The following CTSH variants were observed in gnomAD, a reference collection of about 807,000 sequenced individuals.
The protein encoded by CTSH is pro-cathepsin H.
In CTSH, 52 loss-of-function variants were observed where a neutral mutation model predicts 56.3. The observed-to-expected ratio is 0.92, with a 90% CI of 0.74 to 1.16. The LOEUF is 1.16. Ranked by LOEUF, CTSH falls within the 50% of genes most tolerant of loss-of-function variation. The pLI is 0.00. For synonymous variants in CTSH, 174 were observed against 155.7 expected (o/e 1.12, Z -0.88); for missense variants, 406 against 424.5 (o/e 0.96, Z 0.38).
chr15:78,927,600 A>C, intron 9 of CTSH, 113 bp downstream of exon 9: 1 of 897,898 alleles, frequency 1.1e-6, no homozygotes, highest in Non-Finnish European at 1.8e-6. Flanking sequence ...AACTCGTCAA[A>C]GGGATGTGCT....
chr15:78,926,127 T>C (rs1208308419), intron 9 of CTSH: 1 of 152,476 alleles, frequency 6.6e-6, no homozygotes, highest in Non-Finnish European at 1.5e-5. Context: ...TGGGTTCAAG[T>C]GCACTAACCA....
At chr15:78,938,359 ACT>A (rs1304643504) in intron 2 of CTSH, among the ~76,000 whole-genome samples, 1 of 149,442 alleles carries the variant, frequency 6.7e-6, no homozygotes, top group Non-Finnish European at 1.5e-5. Context: ...ACAAAGTGAG[ACT>A]CTGTCTCAAA....
chr15:78,935,838 A>C (rs1022590879), intron 3 of CTSH, 88 bp from the exon 4 acceptor site: 5 of 932,656 alleles, frequency 5.4e-6, no homozygotes, highest in African/African-American at 4.9e-5. Context: ...CCTCCTGTTT[A>C]CCTGTGTCGT....
chr15:78,922,150 A>AG lies in CTSH; in HGVS notation c.987dup (p.Tyr330LeufsTer81), dbSNP rs1347716296. The AG allele has an allele frequency of 6.3e-7, 1 of 1,577,584 alleles. No homozygotes were observed. Among genetic ancestry groups the AG allele is most frequent in the South Asian group, 1.2e-5 (1 of 86,046 alleles). ...ACGGCTCACACCAGAGGGATGGGGT[A>AG]GGAGGCGCAGGCAGCCAGGCCACAC... On this transcript the variant is annotated frameshift_variant, in exon 12 of 12. Coordinates refer to ENST00000220166, the MANE Select transcript of CTSH (RefSeq NM_004390.5). LOFTEE classifies it high-confidence loss of function.
chr15:78,931,868 C>A, intron 6 of CTSH: 1 of 1,246,030 alleles, frequency 8.0e-7, no homozygotes, highest in African/African-American at 1.5e-5. Context: ...CCTACCCCCA[C>A]CTGTCCACAA....
At position 78,935,415 on chromosome 15, in the gene CTSH, G is replaced by C. The variant is rs181199969; in HGVS notation, c.300+265C>G. Among the ~76,000 whole-genome samples the C allele has an allele frequency of 8.5e-5, 13 of 152,340 alleles. No homozygotes were observed. In the East Asian group the frequency reaches 2.5e-3, roughly 29 times the overall value. On this transcript the variant is annotated intron_variant, in intron 4 of 11. Coordinates refer to ENST00000220166, the MANE Select transcript of CTSH (RefSeq NM_004390.5). Reference sequence around the variant, plus strand: ...ATATACTTATGCTAAAGAATTACTTGTTGTGTATCTGAAATTCATTTTTAA... The same window carrying C: ...ATATACTTATGCTAAAGAATTACTTCTTGTGTATCTGAAATTCATTTTTAA...
intron 1 of CTSH, among the ~76,000 whole-genome samples, chr15:78,941,375 G>T (rs2055284118): frequency 8.5e-6 from 1 of 117,356 alleles, no homozygotes; most frequent in Non-Finnish European, 1.6e-5. Context: ...CAGTAGCCAA[G>T]ATCGTGCCAC....
chr15:78,943,963 G>C (rs77666626), intron 1 of CTSH, among the ~76,000 whole-genome samples: 1,951 of 152,320 alleles, frequency 0.013, 35 homozygotes, highest in African/African-American at 0.045. Flanking sequence ...AGGTGGGAAG[G>C]AATGAGGCAA....
intron 1 of CTSH, among the ~76,000 whole-genome samples, chr15:78,940,420 C>CA (rs1192982650): frequency 6.7e-6 from 1 of 149,414 alleles, no homozygotes; most frequent in Non-Finnish European, 1.5e-5. Flanking sequence ...CTCGTCTCTA[C>CA]AAAAAAATAA....
chr15:78,939,085 T>A, intron 2 of CTSH, 55 bp downstream of exon 2: 2 of 1,502,924 alleles, frequency 1.3e-6, no homozygotes, highest in African/African-American at 2.8e-5. Flanking sequence ...TTTGGTTTGA[T>A]AACAGGAAAC....
chr15:78,931,914 C>T (rs1278261582), intron 6 of CTSH: 22 of 1,196,614 alleles, frequency 1.8e-5, no homozygotes, highest in Non-Finnish European at 2.2e-5. Context: ...GCCGGCTGTG[C>T]ACTGTCCCTC....
At chr15:78,929,641 C>T in intron 7 of CTSH, 148 bp from the exon 8 acceptor site, 1 of 577,514 alleles carries the variant, frequency 1.7e-6, no homozygotes, top group Non-Finnish European at 3.1e-6. Context: ...CTGAGAGGCC[C>T]AGCCTTGGGA....
At chr15:78,922,268 G>A in intron 11 of CTSH, 63 bp from the exon 12 acceptor site, 1 of 1,371,850 alleles carries the variant, frequency 7.3e-7, no homozygotes, top group Non-Finnish European at 1.0e-6. Flanking sequence ...TTTCTAGAAT[G>A]TTTTGCTGCT....
chr15:78,935,858 C>T, intron 3 of CTSH, 108 bp from the exon 4 acceptor site: 1 of 710,988 alleles, frequency 1.4e-6, no homozygotes, highest in Non-Finnish European at 2.4e-6. Flanking sequence ...TATTTAGAAC[C>T]ACTGCAACCC....
intron 2 of CTSH, among the ~76,000 whole-genome samples, chr15:78,937,978 T>G (rs980603953): frequency 1.3e-5 from 2 of 152,352 alleles, no homozygotes; most frequent in Admixed American, 1.3e-4. Flanking sequence ...CTGGGAACAT[T>G]CAAATTATTC....
chr15:78,922,838 A>G lies in CTSH; in HGVS notation c.932+155T>C, dbSNP rs536592130. Among the ~76,000 whole-genome samples the G allele has an allele frequency of 2.4e-3, 365 of 152,284 alleles. 2 individuals carry two copies. The highest frequency in any genetic ancestry group is 8.3e-3 in the African/African-American group (345 of 41,564). ...ATGGGGGCTTGGAAATGTGGAGGCT[A>G]CATTCTCATGCTCCCTTTCCCCCTG... is the stretch of plus-strand genomic sequence containing the variant. On this transcript the variant is annotated intron_variant, in intron 11 of 11. Coordinates refer to ENST00000220166, the MANE Select transcript of CTSH (RefSeq NM_004390.5).
chr15:78,923,963 G>A (rs895492181), intron 10 of CTSH, among the ~76,000 whole-genome samples: 2 of 152,128 alleles, frequency 1.3e-5, no homozygotes, highest in African/African-American at 4.8e-5. Context: ...CAGGCAGCAT[G>A]CATAACTGTC....
intron 2 of CTSH, 146 bp downstream of exon 2, chr15:78,938,994 G>T: frequency 1.4e-6 from 1 of 727,400 alleles, no homozygotes; most frequent in Non-Finnish European, 2.4e-6. Flanking sequence ...CTTTCCCAGT[G>T]TTTGGCCAGT....
At chr15:78,942,022 A>G (rs186633087) in intron 1 of CTSH, among the ~76,000 whole-genome samples, 86 of 152,256 alleles carry the variant, frequency 5.6e-4, no homozygotes, top group African/African-American at 2.0e-3. Context: ...TGGTTGAGAA[A>G]AGGTTCAGCA....
Sources: gnomAD v4.1 joint callset for allele counts (sites outside exome capture counted in the v4.1 genomes callset) on GRCh38, gnomAD v4.1.1 for gene constraint, MANE v1.5 for transcripts, NCBI Gene and HGNC (gene_info 2026-07-23, HGNC 2026-07-21) for gene names.